The following PRSS38 variants were observed in gnomAD, a reference collection of about 807,000 sequenced individuals.
PRSS38 encodes the protein serine protease 38.
A neutral mutation model predicts 26.8 loss-of-function variants in PRSS38; 22 were observed. That is an observed-to-expected ratio of 0.82 (90% confidence interval 0.59 to 1.17). PRSS38 has a LOEUF of 1.17. Ranked by LOEUF, PRSS38 falls within the 50% of genes most tolerant of loss-of-function variation. PRSS38 has a pLI of 0.00. For missense variants in PRSS38, 427 were observed against 422.7 expected, an observed-to-expected ratio of 1.01 and a Z score of -0.09; for synonymous variants, 175 against 172.1, an observed-to-expected ratio of 1.02 and a Z score of -0.13.
intron 3 of PRSS38, among the ~76,000 whole-genome samples, chr1:227,833,341 A>C (rs953880830): frequency 6.6e-6 from 1 of 152,192 alleles, no homozygotes; most frequent in African/African-American, 2.4e-5. Flanking sequence ...CAGCCTGGCC[A>C]ACATGGTGAA....
At position 227,816,335 on chromosome 1, in the gene PRSS38, G is replaced by A. The variant is rs1409349140; in HGVS notation, c.311+83G>A. The A allele has an allele frequency of 2.1e-6, 3 of 1,415,464 alleles. No individual in the cohort carries two copies. In the East Asian group the frequency reaches 7.0e-5, roughly 33 times the overall value. The allele number at this position is 1,415,464 out of a possible 1,614,324, so 87.7% of individuals were successfully genotyped here. A position where few individuals can be genotyped will look rare whatever the true frequency, so the allele number is the denominator to read the frequency against. On this transcript the variant is annotated intron_variant, in intron 2 of 4. Coordinates refer to ENST00000366757, the Ensembl canonical transcript of PRSS38. The surrounding 1 kb of genome is among the most constrained non-coding windows in gnomAD (Gnocchi z 5.1). ...AGCGGCTTGGATGGACCCCACGCAA[G>A]CCTCCCCCATCACCATTGTCGACTC... is the stretch of plus-strand genomic sequence containing the variant.
At chr1:227,828,066 G>GT (rs1395789380) in intron 3 of PRSS38, among the ~76,000 whole-genome samples, 2 of 152,114 alleles carry the variant, frequency 1.3e-5, no homozygotes, top group Non-Finnish European at 2.9e-5. Context: ...TGTTTATTAT[G>GT]TTTTCAGTTC....
chr1:227,846,158 C>T, exon 5 of PRSS38: 2 of 1,613,450 alleles, frequency 1.2e-6, no homozygotes, highest in East Asian at 2.2e-5. Context: ...AGCTCTGGGG[C>T]CCACTCTCAG....
chr1:227,821,274 C>T (rs1248763972), intron 3 of PRSS38, among the ~76,000 whole-genome samples: 1 of 151,744 alleles, frequency 6.6e-6, no homozygotes, highest in African/African-American at 2.4e-5. Context: ...TTTTTTAATC[C>T]AGTCTATCAT....
chr1:227,818,616 T>C lies in PRSS38; in HGVS notation c.583+1136T>C, dbSNP rs139378403. ...TCTCTTGATCCCAGAAGGTCAAGGC[T>C]GCAGTGAGCCAAAACTGCATATCTG... On this transcript the variant is annotated intron_variant, in intron 3 of 4. Transcript: ENST00000366757. Among the ~76,000 whole-genome samples the C allele has an allele frequency of 1.5e-3, 212 of 137,178 alleles. 1 individual carries two copies. The South Asian group carries it at 0.029, about 19-fold the overall frequency. 90.0% of individuals were successfully genotyped at this position (137,178 alleles called of 152,430 possible).
chr1:227,817,325 T>G, exon 3 of PRSS38: 2 of 1,614,196 alleles, frequency 1.2e-6, no homozygotes, highest in African/African-American at 2.7e-5. Context: ...ACATATGAGA[T>G]GTACCACCCC....
rs1225786369 is a variant in PRSS38, at chr1:227,846,196, G to A, written c.969G>A (p.Trp323Ter). ...TCCTAATGGCCATGCTGGCTGGCTG[G>A]TCAGTGCTGTGAGGTCAGGATACCC... The change falls in exon 5 of 5, where the codon TGG (tryptophan) becomes TGA (stop). Residue 323 changes from tryptophan (W) to a stop codon, truncating the protein, a stop_gained. Transcript: ENST00000366757. LOFTEE classifies it high-confidence loss of function. 3.7e-6 allele frequency: 6 copies of A among 1,610,012 alleles called. No homozygotes were observed. In the East Asian group the frequency reaches 1.3e-4, roughly 36 times the overall value.
intron 3 of PRSS38, among the ~76,000 whole-genome samples, chr1:227,830,650 C>G (rs542914729): frequency 1.3e-5 from 2 of 151,502 alleles, no homozygotes; most frequent in Middle Eastern, 3.4e-3. Flanking sequence ...CACCACCAAG[C>G]CCTGCTAATT....
At chr1:227,833,486 C>T (rs1414345827) in intron 3 of PRSS38, among the ~76,000 whole-genome samples, 3 of 151,762 alleles carry the variant, frequency 2.0e-5, no homozygotes, top group Admixed American at 2.0e-4. Context: ...AAGATCGTGG[C>T]ACTGCACTCT....
chr1:227,837,491 G>A (rs902122361), intron 3 of PRSS38, among the ~76,000 whole-genome samples: 1 of 152,160 alleles, frequency 6.6e-6, no homozygotes, highest in Non-Finnish European at 1.5e-5. Context: ...TCTCTCCATA[G>A]TCCTGCTAAT....
At chr1:227,846,317 GC>G in exon 5 of PRSS38, 1 of 1,395,028 alleles carries the variant, frequency 7.2e-7, no homozygotes, top group Non-Finnish European at 9.7e-7. Context: ...GCAGACAAGG[GC>G]CACCTATCCC....
rs538826306 is a variant in PRSS38 at position 227,824,940 on chromosome 1, C to T, written c.583+7460C>T. The stretch of plus-strand genomic sequence containing the variant: ...GTTTGTTTTTTTTCTTGTAAATTTG[C>T]TTAAGTTCCTTGTAGACTCTGGATA... On this transcript the variant is annotated intron_variant, in intron 3 of 4. Transcript: ENST00000366757. 2.0e-4 allele frequency among the ~76,000 whole-genome samples: 31 copies of T among 151,922 alleles called. No homozygotes were observed. In the South Asian group the frequency reaches 3.1e-3, roughly 15 times the overall value.
intron 3 of PRSS38, among the ~76,000 whole-genome samples, chr1:227,827,107 G>A (rs1238625639): frequency 6.6e-6 from 1 of 152,136 alleles, no homozygotes; most frequent in African/African-American, 2.4e-5. Flanking sequence ...TTTTTGCATT[G>A]ATGTTCATCA....
chr1:227,845,740 G>T, intron 4 of PRSS38, 128 bp downstream of exon 4: 1 of 1,256,710 alleles, frequency 8.0e-7, no homozygotes, highest in Non-Finnish European at 1.1e-6. Context: ...TGAGCAGGGC[G>T]ATGTATGACA....
exon 4 of PRSS38, chr1:227,845,495 G>T: frequency 6.2e-7 from 1 of 1,611,900 alleles, no homozygotes; most frequent in Admixed American, 1.7e-5. Context: ...AGCTGCAGGA[G>T]ATGCAGCTCC....
At chr1:227,828,568 C>T (rs1399394309) in intron 3 of PRSS38, among the ~76,000 whole-genome samples, 2 of 152,152 alleles carry the variant, frequency 1.3e-5, no homozygotes, top group African/African-American at 4.8e-5. Flanking sequence ...GACCAATTCC[C>T]CAGGGAGAGG....
rs1665399879 is a variant in PRSS38 at position 227,844,949 on chromosome 1, CTCCTCCCTATGT to C, written c.584-520_584-509del. ...GGACTCCTCCCTATGTGTGGTGGGA[CTCCTCCCTATGT>C]GTGGTCAGGACTCCTCCCTGTGTAG... On this transcript the variant is annotated intron_variant, in intron 3 of 4. Transcript: ENST00000366757. Among the ~76,000 whole-genome samples the C allele has an allele frequency of 1.2e-4, 14 of 119,804 alleles. No individual in the cohort carries two copies. In the Admixed American group the frequency reaches 1.2e-3, roughly 10 times the overall value. The allele number at this position is 119,804 out of a possible 152,430, so 78.6% of individuals were successfully genotyped here.
intron 3 of PRSS38, among the ~76,000 whole-genome samples, chr1:227,844,086 A>G (rs1436620515): frequency 6.6e-6 from 1 of 152,020 alleles, no homozygotes; most frequent in Non-Finnish European, 1.5e-5. Context: ...TTCATGGAAC[A>G]CTCTTTTACT....
intron 3 of PRSS38, among the ~76,000 whole-genome samples, chr1:227,820,113 AG>A (rs1449512059): frequency 1.4e-4 from 20 of 146,500 alleles, no homozygotes; most frequent in Admixed American, 1.1e-3. Context: ...AAAAAAAAAA[AG>A]CAACACAACT....
Sources: gnomAD v4.1 joint callset for allele counts (sites outside exome capture counted in the v4.1 genomes callset) on GRCh38, gnomAD v4.1.1 for gene constraint, Gnocchi (gnomAD v3.1) non-coding constraint, MANE v1.5 for transcripts, NCBI Gene and HGNC (gene_info 2026-07-23, HGNC 2026-07-21) for gene names.